The following TRIM16 variants were observed in gnomAD, a reference collection of about 807,000 sequenced individuals.
TRIM16 encodes the protein tripartite motif-containing protein 16.
TRIM16 carries 33 observed loss-of-function variants against 50.4 expected under a neutral mutation model. The observed-to-expected ratio is 0.65, with a 90% CI of 0.50 to 0.88. The LOEUF (loss-of-function observed/expected upper bound fraction) is 0.88. TRIM16 is among the 40% of genes least tolerant of loss of function. The probability of loss-of-function intolerance (pLI) is 0.00; values close to 1 mark genes in which losing one functional copy is unlikely to be tolerated. For missense variants in TRIM16, 581 were observed against 686.8 expected, an observed-to-expected ratio of 0.85 and a Z score of 1.72; for synonymous variants, 229 against 270.7, an observed-to-expected ratio of 0.85 and a Z score of 1.51.
chr17:15,678,626 A>G (rs1295128877), intron 4 of TRIM16, among the ~76,000 whole-genome samples: 1 of 152,200 alleles, frequency 6.6e-6, no homozygotes, highest in African/African-American at 2.4e-5. Flanking sequence ...TGGCCATCCT[A>G]TCAATCTATA....
chr17:15,647,331 A>C (rs1296919518), intron 7 of TRIM16, among the ~76,000 whole-genome samples: 3 of 152,354 alleles, frequency 2.0e-5, no homozygotes, highest in Non-Finnish European at 4.4e-5. Context: ...GGCTGCCAGC[A>C]AACAGGCTGT....
At chr17:15,655,243 T>C (rs7213827) in intron 6 of TRIM16, among the ~76,000 whole-genome samples, 32,916 of 152,090 alleles carry the variant, frequency 0.22, 3,725 homozygotes, top group East Asian at 0.31. Flanking sequence ...GCCTCTGATC[T>C]CTCTGAGAAT....
intron 8 of TRIM16, among the ~76,000 whole-genome samples, chr17:15,637,364 A>C (rs1251407502): frequency 2.8e-4 from 13 of 46,364 alleles, no homozygotes; most frequent in East Asian, 1.5e-3. Flanking sequence ...CAGCCCCCCT[A>C]CCCGGCCAGC....
chr17:15,636,096 C>A lies in TRIM16; in HGVS notation c.789G>T (p.Glu263Asp). Reference sequence around the variant, plus strand: ...TCCTCTCCAGCTCCTGCTTGCTCTTCTCCATCTCGGCACTCCTGTACTCCA... The same window carrying A: ...TCCTCTCCAGCTCCTGCTTGCTCTTATCCATCTCGGCACTCCTGTACTCCA... ...AHLEYRSAEM[E>D]KSKQELERMA... The change falls in exon 9 of 12, where the codon GAG (glutamate) becomes GAT (aspartate). Residue 263 changes from glutamate (E) to aspartate (D), a missense_variant. Around this residue, in one of 3 missense-constraint regions of TRIM16, gnomAD observed 450 missense variants for 544.3 expected, o/e 0.83. Transcript: ENST00000649191. 1.2e-6 allele frequency: 2 copies of A among 1,609,588 alleles called. No individual in the cohort carries two copies. The highest frequency in any genetic ancestry group is 1.7e-5 in the Admixed American group (1 of 59,914).
At chr17:15,676,076 A>G (rs1376247100) in intron 6 of TRIM16, among the ~76,000 whole-genome samples, 1 of 152,120 alleles carries the variant, frequency 6.6e-6, no homozygotes, top group Non-Finnish European at 1.5e-5. Flanking sequence ...TCTAGCCTCC[A>G]GACATTACCA....
intron 6 of TRIM16, among the ~76,000 whole-genome samples, chr17:15,670,453 A>G (rs1017619925): frequency 1.3e-5 from 2 of 152,100 alleles, no homozygotes; most frequent in African/African-American, 4.8e-5. Flanking sequence ...GATGCTCTCT[A>G]TGGTCTACAT....
chr17:15,642,174 C>G (rs916555423), intron 8 of TRIM16, among the ~76,000 whole-genome samples: 7 of 149,190 alleles, frequency 4.7e-5, no homozygotes, highest in Non-Finnish European at 1.0e-4. Context: ...GTGGTGGTTA[C>G]TGGCTTGCCA....
chr17:15,673,251 G>A (rs557143272), intron 6 of TRIM16, among the ~76,000 whole-genome samples: 6 of 152,232 alleles, frequency 3.9e-5, no homozygotes, highest in African/African-American at 7.2e-5. Context: ...TTAAAGTTAC[G>A]AAGGATTTTG....
intron 6 of TRIM16, among the ~76,000 whole-genome samples, chr17:15,652,614 C>G (rs150557424): frequency 0.037 from 5,647 of 151,414 alleles, 272 homozygotes; most frequent in African/African-American, 0.11. Flanking sequence ...GCACCCACCA[C>G]CACGCCTGGC....
intron 6 of TRIM16, chr17:15,654,420 T>C (rs1184704422): frequency 6.6e-6 from 1 of 152,146 alleles, no homozygotes; most frequent in Non-Finnish European, 1.5e-5. Flanking sequence ...CCTAGCTGCC[T>C]CAGGTCCAGT....
intron 6 of TRIM16, among the ~76,000 whole-genome samples, chr17:15,669,853 A>G (rs1350861752): frequency 2.0e-5 from 3 of 152,118 alleles, no homozygotes; most frequent in Non-Finnish European, 4.4e-5. Context: ...GCATTGTAGG[A>G]TGATTAGCAG....
chr17:15,643,960 G>A (rs540276560), intron 7 of TRIM16, among the ~76,000 whole-genome samples: 68 of 152,056 alleles, frequency 4.5e-4, no homozygotes, highest in African/African-American at 1.6e-3. Context: ...TAACTAAAAC[G>A]TGTGGGTTTT....
intron 8 of TRIM16, among the ~76,000 whole-genome samples, chr17:15,641,128 C>A (rs1987095947): frequency 6.7e-6 from 1 of 148,168 alleles, no homozygotes; most frequent in Non-Finnish European, 1.5e-5. Flanking sequence ...TTGAGGTTGA[C>A]TTCTGCTGTG....
At chr17:15,630,628 G>A (rs1986365452) in intron 11 of TRIM16, among the ~76,000 whole-genome samples, 2 of 152,108 alleles carry the variant, frequency 1.3e-5, no homozygotes, top group Non-Finnish European at 2.9e-5. Context: ...GGGCAACACA[G>A]CAAGGCTCCA....
chr17:15,632,046 G>A (rs958315989), intron 10 of TRIM16: 5 of 363,996 alleles, frequency 1.4e-5, no homozygotes, highest in South Asian at 5.1e-5. Context: ...GAAAATCATC[G>A]AGATGAGAGT....
At chr17:15,678,979 G>A (rs751561344) in intron 4 of TRIM16, among the ~76,000 whole-genome samples, 2 of 150,838 alleles carry the variant, frequency 1.3e-5, no homozygotes, top group Admixed American at 6.6e-5. Flanking sequence ...ATGTTTAAGC[G>A]ATTCTCCTGC....
chr17:15,636,314 A>G (rs911748189), intron 8 of TRIM16, 45 bp from the exon 9 acceptor site: 5 of 1,592,126 alleles, frequency 3.1e-6, no homozygotes, highest in African/African-American at 1.4e-5. Context: ...TTTCTTAGTG[A>G]GGCATCCAAC....
chr17:15,641,803 A>C (rs1477404821), intron 8 of TRIM16, among the ~76,000 whole-genome samples: 8 of 147,908 alleles, frequency 5.4e-5, no homozygotes, highest in Non-Finnish European at 1.0e-4. Context: ...TCAGGATATA[A>C]AGATGACAAT....
At chr17:15,653,302 A>G (rs947345522) in intron 6 of TRIM16, among the ~76,000 whole-genome samples, 1 of 152,214 alleles carries the variant, frequency 6.6e-6, no homozygotes, top group Non-Finnish European at 1.5e-5. Context: ...TACAGCCTGC[A>G]AAACCGTGAG....
Sources: allele counts gnomAD v4.1 joint callset (sites outside exome capture counted in the v4.1 genomes callset), GRCh38; gene constraint gnomAD v4.1.1; regional missense constraint gnomAD v4.1.1; transcripts MANE v1.5; gene names NCBI Gene and HGNC (gene_info 2026-07-23, HGNC 2026-07-21).